R3HCC1L: variants seen among roughly 807,000 people sequenced by gnomAD.
R3HCC1L encodes R3H domain and coiled-coil containing 1 like.
R3HCC1L carries 51 observed loss-of-function variants against 59.9 expected under a neutral mutation model. That is an observed-to-expected ratio of 0.85 (90% confidence interval 0.68 to 1.07). R3HCC1L has a LOEUF of 1.07. Ranked by LOEUF, R3HCC1L falls within the 50% of genes least tolerant of loss-of-function variation. R3HCC1L has a pLI of 0.00. For synonymous variants in R3HCC1L, 322 were observed against 315.2 expected, an observed-to-expected ratio of 1.02 and a Z score of -0.23; for missense variants, 965 against 933.0, an observed-to-expected ratio of 1.03 and a Z score of -0.45.
chr10:98,199,098 G>A (rs1220191437), intron 4 of R3HCC1L, among the ~76,000 whole-genome samples: 2 of 151,990 alleles, frequency 1.3e-5, no homozygotes, highest in Non-Finnish European at 2.9e-5. Flanking sequence ...TATATGCACA[G>A]CACATCTCAG....
chr10:98,162,424 G>A (rs1847521002), intron 2 of R3HCC1L, among the ~76,000 whole-genome samples: 1 of 152,070 alleles, frequency 6.6e-6, no homozygotes. Context: ...CTGTGTTTGA[G>A]CCCTATTCTG....
intron 2 of R3HCC1L, among the ~76,000 whole-genome samples, chr10:98,159,420 A>G (rs1008169985): frequency 5.3e-5 from 8 of 152,196 alleles, no homozygotes; most frequent in African/African-American, 1.9e-4. Context: ...TTCTATTCAT[A>G]GTCACAGTCC....
intron 4 of R3HCC1L, among the ~76,000 whole-genome samples, chr10:98,180,385 A>G (rs371747660): frequency 4.5e-4 from 69 of 152,254 alleles, no homozygotes; most frequent in Non-Finnish European, 8.7e-4. Context: ...GAGTTTCTTA[A>G]TCCTGAGTTC....
chr10:98,228,282 G>A (rs2135569075), intron 5 of R3HCC1L, among the ~76,000 whole-genome samples: 1 of 152,272 alleles, frequency 6.6e-6, no homozygotes, highest in South Asian at 2.1e-4. Flanking sequence ...ATTCTAACTG[G>A]TGTGAGATGG....
Position 98,242,028 on chromosome 10 carries a change from T to C in R3HCC1L, c.2270-2063T>C, listed in dbSNP as rs1452005237. 2.0e-5 allele frequency among the ~76,000 whole-genome samples: 3 copies of C among 152,302 alleles called. No individual in the cohort carries two copies. In the East Asian group the frequency reaches 5.8e-4, roughly 29 times the overall value. On this transcript the variant is annotated intron_variant, in intron 9 of 9. Transcript: ENST00000298999. The stretch of plus-strand genomic sequence containing the variant: ...TCATATGGCTTACCATTAGAATCTA[T>C]TTACTTTTATTAGAAAGTGTTAGGA...
chr10:98,149,779 T>C (rs1845972934), intron 1 of R3HCC1L, among the ~76,000 whole-genome samples: 1 of 152,254 alleles, frequency 6.6e-6, no homozygotes, highest in African/African-American at 2.4e-5. Flanking sequence ...ATGAAAAGCA[T>C]GTGTGTTCTG....
chr10:98,211,423 C>T, intron 5 of R3HCC1L: 1 of 1,469,606 alleles, frequency 6.8e-7, no homozygotes, highest in South Asian at 1.4e-5. Flanking sequence ...TAGAAAAATA[C>T]TGTTCAGTAG....
intron 4 of R3HCC1L, among the ~76,000 whole-genome samples, chr10:98,169,156 T>A (rs1332079916): frequency 1.3e-5 from 2 of 152,220 alleles, no homozygotes; most frequent in Admixed American, 6.5e-5. Flanking sequence ...CTTGGTTTTC[T>A]CCTTTTACGG....
chr10:98,142,457 G>A (rs1845241827), intron 1 of R3HCC1L, among the ~76,000 whole-genome samples: 1 of 151,940 alleles, frequency 6.6e-6, no homozygotes, highest in Non-Finnish European at 1.5e-5. Context: ...GGCCAATGTG[G>A]GGAAATCCTG....
chr10:98,237,603 GA>G (rs1464183563), intron 9 of R3HCC1L, among the ~76,000 whole-genome samples: 1 of 152,182 alleles, frequency 6.6e-6, no homozygotes, highest in Admixed American at 6.5e-5. Context: ...TGATTCTGTT[GA>G]CTAAGCGGGT....
At chr10:98,162,672 TTG>T (rs138697556) in intron 2 of R3HCC1L, among the ~76,000 whole-genome samples, 1,526 of 147,606 alleles carry the variant, frequency 0.01, 6 homozygotes, top group East Asian at 0.025. Flanking sequence ...GTGTGTGTGT[TTG>T]TGTGTGTGTG....
intron 5 of R3HCC1L, among the ~76,000 whole-genome samples, chr10:98,222,839 A>G (rs1341870477): frequency 6.6e-6 from 1 of 152,188 alleles, no homozygotes; most frequent in Non-Finnish European, 1.5e-5. Flanking sequence ...AGATGCAATA[A>G]AAAATGATAA....
intron 5 of R3HCC1L, among the ~76,000 whole-genome samples, chr10:98,227,823 CAT>C (rs991454927): frequency 6.7e-6 from 1 of 148,186 alleles, no homozygotes; most frequent in African/African-American, 2.5e-5. Flanking sequence ...TGAGTGAGAA[CAT>C]GTGATGTTTG....
intron 4 of R3HCC1L, among the ~76,000 whole-genome samples, chr10:98,181,066 T>C (rs1316777128): frequency 6.6e-6 from 1 of 152,214 alleles, no homozygotes; most frequent in Non-Finnish European, 1.5e-5. Flanking sequence ...GTTAATATTG[T>C]TATGTGTGAA....
rs766404196 is a variant in R3HCC1L, at chr10:98,218,484, T to TA, written c.1785+8593dup. On this transcript the variant is annotated intron_variant, in intron 5 of 9. Transcript: ENST00000298999. ...GTTTTATTGATTTTGGTTTTTGTAT[T>TA]AAAAAAAACTTTTGTTTCATTGATA... Among the ~76,000 whole-genome samples, 344 of 152,258 alleles carry TA rather than the reference T, an allele frequency of 2.3e-3. 1 individual carries two copies. Among genetic ancestry groups the TA allele is most frequent in the African/African-American group, 7.8e-3 (325 of 41,558 alleles).
intron 4 of R3HCC1L, among the ~76,000 whole-genome samples, chr10:98,187,812 C>T (rs61875280): frequency 0.18 from 27,247 of 147,548 alleles, 2,616 homozygotes; most frequent in Middle Eastern, 0.21. Context: ...TCTTAGTTCA[C>T]TGTAACCTCA....
intron 5 of R3HCC1L, among the ~76,000 whole-genome samples, chr10:98,224,970 A>C (rs1855501001): frequency 6.6e-6 from 1 of 152,268 alleles, no homozygotes; most frequent in Admixed American, 6.5e-5. Flanking sequence ...TTAGAAAAGT[A>C]ATAACAGGTA....
intron 5 of R3HCC1L, among the ~76,000 whole-genome samples, chr10:98,220,376 T>A (rs1854743698): frequency 6.7e-6 from 1 of 148,356 alleles, no homozygotes; most frequent in South Asian, 2.1e-4. Context: ...TTTTCTTTTT[T>A]TTTTCCCATC....
intron 4 of R3HCC1L, among the ~76,000 whole-genome samples, chr10:98,197,184 G>A (rs185405115): frequency 2.7e-5 from 4 of 148,502 alleles, no homozygotes; most frequent in African/African-American, 7.4e-5. Flanking sequence ...TCCTGACCTC[G>A]GATTACAGAT....
Sources: allele counts gnomAD v4.1 joint callset (sites outside exome capture counted in the v4.1 genomes callset), GRCh38; gene constraint gnomAD v4.1.1; transcripts MANE v1.5; gene names NCBI Gene and HGNC (gene_info 2026-07-23, HGNC 2026-07-21).